The following RPGRIP1L variants were observed in gnomAD, a reference collection of about 807,000 sequenced individuals.
RPGRIP1L encodes protein fantom.
A neutral mutation model predicts 160.4 loss-of-function variants in RPGRIP1L; 131 were observed. The observed-to-expected ratio is 0.82, with a 90% CI of 0.71 to 0.94. The LOEUF is 0.94. Among genes scored for constraint, RPGRIP1L ranks in the 40% least tolerant of loss-of-function variants. RPGRIP1L has a pLI of 0.00. For synonymous variants in RPGRIP1L, 510 were observed against 515.8 expected, an observed-to-expected ratio of 0.99 and a Z score of 0.15; for missense variants, 1,522 against 1,535.8, an observed-to-expected ratio of 0.99 and a Z score of 0.15.
intron 18 of RPGRIP1L, 57 bp from the exon 19 acceptor site, chr16:53,641,173 A>G (rs1966192186): frequency 6.5e-7 from 1 of 1,544,376 alleles, no homozygotes; most frequent in African/African-American, 1.4e-5. Context: ...GATTTCAGAT[A>G]AGACTTTAGC....
At chr16:53,648,823 G>T in intron 16 of RPGRIP1L, 141 bp downstream of exon 16, 1 of 742,980 alleles carries the variant, frequency 1.3e-6, no homozygotes, top group Non-Finnish European at 2.3e-6. Context: ...CACTTCCTGT[G>T]AGTATATGAT....
At chr16:53,629,452 A>AT (rs1340104283) in intron 22 of RPGRIP1L, among the ~76,000 whole-genome samples, 1 of 152,214 alleles carries the variant, frequency 6.6e-6, no homozygotes, top group Non-Finnish European at 1.5e-5. Flanking sequence ...GCAGATGCTG[A>AT]TGCTGAACTC....
chr16:53,671,105 T>C (rs1968679261), intron 9 of RPGRIP1L, among the ~76,000 whole-genome samples: 1 of 151,866 alleles, frequency 6.6e-6, no homozygotes, highest in African/African-American at 2.4e-5. Context: ...AAAAAAGAGG[T>C]GGGAAGTGCC....
Position 53,652,950 on chromosome 16 carries a change from G to A in RPGRIP1L, c.1737C>T (p.Tyr579=). Residue 579 remains tyrosine (Y), a synonymous_variant, in exon 15 of 27, where the codon TAC becomes TAT. Transcript: ENST00000647211. ...LKDIAYGTKQ[Y]KFKPEIMPDD... Reference sequence around the variant, plus strand: ...CTGGCATGATTTCTGGTTTAAATTTGTACTGCTTGGTGCCATAGGCAATAT... The same window carrying A: ...CTGGCATGATTTCTGGTTTAAATTTATACTGCTTGGTGCCATAGGCAATAT... The A allele has an allele frequency of 6.2e-7, 1 of 1,613,748 alleles. No individual in the cohort carries two copies. Among genetic ancestry groups the A allele is most frequent in the South Asian group, 1.1e-5 (1 of 91,032 alleles).
At chr16:53,656,038 G>A (rs779482105) in intron 14 of RPGRIP1L, among the ~76,000 whole-genome samples, 1 of 152,170 alleles carries the variant, frequency 6.6e-6, no homozygotes, top group Non-Finnish European at 1.5e-5. Flanking sequence ...AGGTGCACAG[G>A]TTGCTTAGAA....
chr16:53,699,386 TAAAAAAAAA>T (rs10652484), intron 2 of RPGRIP1L, among the ~76,000 whole-genome samples: 1 of 77,448 alleles, frequency 1.3e-5, no homozygotes, highest in Non-Finnish European at 2.5e-5. Context: ...GAATGATCAA[TAAAAAAAAA>T]AAAAAAAAAA....
chr16:53,625,320 C>T (rs77040515), intron 22 of RPGRIP1L, among the ~76,000 whole-genome samples: 2 of 151,388 alleles, frequency 1.3e-5, no homozygotes, highest in African/African-American at 2.4e-5. Context: ...ATGTGGGGAG[C>T]GCCTCCGCGG....
intron 3 of RPGRIP1L, among the ~76,000 whole-genome samples, chr16:53,692,918 T>C (rs933748714): frequency 3.3e-5 from 5 of 152,248 alleles, no homozygotes; most frequent in African/African-American, 1.2e-4. Flanking sequence ...TAAATGTTGC[T>C]TAGTGCTCAA....
intron 22 of RPGRIP1L, among the ~76,000 whole-genome samples, chr16:53,627,184 G>T (rs1400106834): frequency 2.0e-5 from 3 of 152,128 alleles, no homozygotes; most frequent in Non-Finnish European, 4.4e-5. Context: ...GAATTGTTGG[G>T]CTTCTGAAAA....
intron 15 of RPGRIP1L, among the ~76,000 whole-genome samples, chr16:53,649,783 T>A (rs1213591007): frequency 6.6e-6 from 1 of 152,206 alleles, no homozygotes; most frequent in Non-Finnish European, 1.5e-5. Context: ...GGACATCGTA[T>A]GTCCTTGTTA....
At chr16:53,608,808 A>G (rs1227527276) in intron 25 of RPGRIP1L, among the ~76,000 whole-genome samples, 4 of 152,014 alleles carry the variant, frequency 2.6e-5, no homozygotes, top group Non-Finnish European at 4.4e-5. Context: ...TGGAATAACA[A>G]TTGGCTTTTG....
chr16:53,609,240 C>T (rs1380879746), intron 25 of RPGRIP1L, among the ~76,000 whole-genome samples: 1 of 152,094 alleles, frequency 6.6e-6, no homozygotes, highest in Non-Finnish European at 1.5e-5. Flanking sequence ...TGGTGCATGC[C>T]ACCATGCCTG....
At chr16:53,662,110 G>T (rs1249132911) in intron 10 of RPGRIP1L, among the ~76,000 whole-genome samples, 1 of 152,078 alleles carries the variant, frequency 6.6e-6, no homozygotes, top group Non-Finnish European at 1.5e-5. Context: ...AAGCTAAACA[G>T]CATTTTATTC....
chr16:53,681,552 GA>G (rs1969608122), intron 6 of RPGRIP1L, among the ~76,000 whole-genome samples: 2 of 152,058 alleles, frequency 1.3e-5, no homozygotes, highest in African/African-American at 4.8e-5. Context: ...AATGATATAA[GA>G]TTTTTTGCTA....
chr16:53,676,110 T>TG, intron 6 of RPGRIP1L, among the ~76,000 whole-genome samples: 1 of 152,160 alleles, frequency 6.6e-6, no homozygotes, highest in East Asian at 1.9e-4. Flanking sequence ...AACCAGAAAA[T>TG]GGACTACAAA....
At chr16:53,676,770 C>A (rs1473518058) in intron 6 of RPGRIP1L, among the ~76,000 whole-genome samples, 2 of 151,960 alleles carry the variant, frequency 1.3e-5, no homozygotes, top group Non-Finnish European at 2.9e-5. Flanking sequence ...GTAGCAGGGA[C>A]TACAGGCGCG....
rs997132074 is a variant in RPGRIP1L, at chr16:53,669,970, T to G, written c.1103+1540A>C. Among the ~76,000 whole-genome samples the G allele has an allele frequency of 1.6e-4, 24 of 152,286 alleles. No individual in the cohort carries two copies. The East Asian group carries it at 4.6e-3, about 29-fold the overall frequency. ...TAATTTTTCTGGAATCCCAATTTCC[T>G]CATTTATAAAAGAGGGATGATATCT... On this transcript the variant is annotated intron_variant, in intron 9 of 26. Transcript: ENST00000647211.
intron 10 of RPGRIP1L, chr16:53,659,097 C>T: frequency 1.5e-6 from 1 of 654,006 alleles, no homozygotes; most frequent in Non-Finnish European, 2.4e-6. Flanking sequence ...CATCAAAAAC[C>T]CAAGACATAA....
In RPGRIP1L at chr16:53,599,372, C is replaced by G. The variant is rs533529506; in HGVS notation, c.*2704G>C. On this transcript the variant is annotated 3_prime_UTR_variant, in exon 27 of 27. Coordinates refer to ENST00000647211, the MANE Select transcript of RPGRIP1L (RefSeq NM_015272.5). ...TGAGAGTGAAGAGAAATGTTCTTTACGTAAACCACACTGTAAACCATAAAA... is the reference window on the plus strand; with the variant it reads ...TGAGAGTGAAGAGAAATGTTCTTTAGGTAAACCACACTGTAAACCATAAAA... 18 of 152,260 alleles carry G rather than the reference C, an allele frequency of 1.2e-4. No homozygotes were observed. The South Asian group carries it at 3.7e-3, about 32-fold the overall frequency. 9.4% of individuals were successfully genotyped at this position (152,260 alleles called of 1,614,324 possible).
Sources: gnomAD v4.1 joint callset for allele counts (sites outside exome capture counted in the v4.1 genomes callset) on GRCh38, gnomAD v4.1.1 for gene constraint, MANE v1.5 for transcripts, NCBI Gene and HGNC (gene_info 2026-07-23, HGNC 2026-07-21) for gene names.